SH3PXD2B: variants seen among roughly 807,000 people sequenced by gnomAD.
SH3PXD2B encodes SH3 and PX domains 2B, also known as SH3 and PX domain-containing protein 2B.
A neutral mutation model predicts 73.1 loss-of-function variants in SH3PXD2B; 37 were observed. The observed-to-expected ratio is 0.51, with a 90% confidence interval of 0.39 to 0.67. The LOEUF (loss-of-function observed/expected upper bound fraction) is 0.67, where lower values mean the gene tolerates loss of function less well. SH3PXD2B is among the 30% of genes least tolerant of loss of function. SH3PXD2B has a pLI of 0.00. For missense variants in SH3PXD2B, 1,053 were observed against 1,197.8 expected, an observed-to-expected ratio of 0.88 and a Z score of 1.78; for synonymous variants, 457 against 480.5, an observed-to-expected ratio of 0.95 and a Z score of 0.64.
Position 172,334,636 on chromosome 5 carries a change from A to C in SH3PXD2B, c.*3733T>G. 1 of 985,510 alleles carries C rather than the reference A, an allele frequency of 1.0e-6. No homozygotes were observed. The highest frequency in any genetic ancestry group is 4.7e-5 in the South Asian group (1 of 21,270). The allele number at this position is 985,510 out of a possible 1,614,324, so 61.0% of individuals were successfully genotyped here. ...ACATGTAAGACTTGGGCACGATGAA[A>C]GGACGGGGGTCCAGCTACGAATGTT... On this transcript the variant is annotated 3_prime_UTR_variant, in exon 13 of 13. Transcript: ENST00000311601.
At chr5:172,360,629 C>T (rs945473940) in intron 7 of SH3PXD2B, among the ~76,000 whole-genome samples, 4 of 152,122 alleles carry the variant, frequency 2.6e-5, no homozygotes, top group Admixed American at 6.5e-5. Context: ...GTCAGTAGTT[C>T]GAGACCAGCC....
At chr5:172,431,746 A>G (rs1759248735) in intron 1 of SH3PXD2B, among the ~76,000 whole-genome samples, 2 of 152,204 alleles carry the variant, frequency 1.3e-5, no homozygotes, top group African/African-American at 4.8e-5. Context: ...CTGTAAAGTC[A>G]CTGAGAACAC....
chr5:172,328,246 C>T (rs768198313), intron 12 of SH3PXD2B, among the ~76,000 whole-genome samples: 107 of 151,768 alleles, frequency 7.1e-4, no homozygotes, highest in Non-Finnish European at 1.0e-3. Context: ...GCTGGGACTA[C>T]AGGCGTGTGC....
intron 2 of SH3PXD2B, among the ~76,000 whole-genome samples, chr5:172,420,674 G>C (rs1448447201): frequency 6.6e-6 from 1 of 152,192 alleles, no homozygotes; most frequent in Non-Finnish European, 1.5e-5. Flanking sequence ...GACTTCTTGG[G>C]TGGAGCAGGG....
intron 12 of SH3PXD2B, among the ~76,000 whole-genome samples, chr5:172,342,283 G>T (rs529127358): frequency 6.6e-6 from 1 of 152,128 alleles, no homozygotes; most frequent in Non-Finnish European, 1.5e-5. Flanking sequence ...CTCTGGACTC[G>T]GAAGATCTGA....
intron 5 of SH3PXD2B, among the ~76,000 whole-genome samples, chr5:172,375,076 A>T (rs1303587715): frequency 1.3e-5 from 2 of 152,202 alleles, no homozygotes; most frequent in Non-Finnish European, 2.9e-5. Context: ...CTCATCCTTT[A>T]GGCCAGGAGC....
intron 1 of SH3PXD2B, among the ~76,000 whole-genome samples, chr5:172,427,779 ATTT>A (rs112469816): frequency 7.2e-6 from 1 of 138,908 alleles, no homozygotes; most frequent in Non-Finnish European, 1.6e-5. Flanking sequence ...TGTTACCACG[ATTT>A]TTTTTTTTTT....
chr5:172,353,867 G>C lies in SH3PXD2B; in HGVS notation c.785+21C>G. The C allele has an allele frequency of 6.2e-7, 1 of 1,603,420 alleles. No individual in the cohort carries two copies. Among genetic ancestry groups the C allele is most frequent in the Non-Finnish European group, 8.5e-7 (1 of 1,171,112 alleles). The stretch of plus-strand genomic sequence containing the variant: ...GTGACCCCAAACCCACCCAGCAACC[G>C]TGGGGGGCAGCGGCTGGTACCTGAT... On this transcript the variant is annotated intron_variant, in intron 9 of 12. Transcript: ENST00000311601. This position sits in a 1 kb window ranked among gnomAD's most constrained non-coding sequence, Gnocchi z 4.3.
chr5:172,337,596 C>A lies in SH3PXD2B; in HGVS notation c.*773G>T. The A allele has an allele frequency of 2.0e-6, 2 of 985,568 alleles. No individual in the cohort carries two copies. The highest frequency in any genetic ancestry group is 2.4e-6 in the Non-Finnish European group (2 of 830,034). The allele number at this position is 985,568 out of a possible 1,614,324, so 61.1% of individuals were successfully genotyped here. Reference sequence around the variant, plus strand: ...GCTTTAGGTAGGCAAAAATGAAATGCTCCAAGTTGGGGTGGGAACTCTCAT... The same window carrying A: ...GCTTTAGGTAGGCAAAAATGAAATGATCCAAGTTGGGGTGGGAACTCTCAT... On this transcript the variant is annotated 3_prime_UTR_variant, in exon 13 of 13. Transcript: ENST00000311601.
intron 9 of SH3PXD2B, 32 bp from the exon 10 acceptor site, chr5:172,350,621 G>A (rs1400201453): frequency 6.4e-7 from 1 of 1,558,912 alleles, no homozygotes; most frequent in Non-Finnish European, 8.7e-7. Context: ...CTGTCAAACT[G>A]CTCCGCCAGG....
At chr5:172,405,447 C>T (rs77263846) in intron 3 of SH3PXD2B, among the ~76,000 whole-genome samples, 3,749 of 152,260 alleles carry the variant, frequency 0.025, 180 homozygotes, top group African/African-American at 0.086. Context: ...GATCTGAAGC[C>T]CTAGTCAGAT....
intron 10 of SH3PXD2B, among the ~76,000 whole-genome samples, chr5:172,348,689 A>G (rs1428578970): frequency 7.8e-5 from 3 of 38,510 alleles, no homozygotes; most frequent in African/African-American, 2.3e-4. Context: ...CTATCTATCT[A>G]TCTATCTATC....
At chr5:172,443,620 G>A (rs1251545429) in intron 1 of SH3PXD2B, among the ~76,000 whole-genome samples, 1 of 152,204 alleles carries the variant, frequency 6.6e-6, no homozygotes, top group Non-Finnish European at 1.5e-5. Flanking sequence ...CTGGCTCTGG[G>A]CCAGACCTGG....
intron 2 of SH3PXD2B, among the ~76,000 whole-genome samples, chr5:172,412,713 A>C (rs947097722): frequency 1.3e-5 from 2 of 152,220 alleles, no homozygotes; most frequent in Non-Finnish European, 2.9e-5. Context: ...TAGGTTCTCC[A>C]AGGGACCAGG....
At chr5:172,411,270 G>A (rs959153455) in intron 2 of SH3PXD2B, among the ~76,000 whole-genome samples, 1 of 151,686 alleles carries the variant, frequency 6.6e-6, no homozygotes, top group Admixed American at 6.6e-5. Flanking sequence ...TCCAATCTCC[G>A]GGTTCCTTTG....
intron 2 of SH3PXD2B, among the ~76,000 whole-genome samples, chr5:172,418,933 T>A (rs2113457690): frequency 6.6e-6 from 1 of 152,278 alleles, no homozygotes; most frequent in Middle Eastern, 3.4e-3. Context: ...AGACCCGTGA[T>A]CAAACCCTGG....
chr5:172,371,729 T>C (rs1214390192), intron 6 of SH3PXD2B, among the ~76,000 whole-genome samples: 2 of 152,210 alleles, frequency 1.3e-5, no homozygotes, highest in African/African-American at 4.8e-5. Flanking sequence ...ATCAAGCCCG[T>C]TCCGACTGGA....
intron 4 of SH3PXD2B, among the ~76,000 whole-genome samples, chr5:172,386,300 T>C (rs1758059185): frequency 6.6e-6 from 1 of 152,212 alleles, no homozygotes; most frequent in Non-Finnish European, 1.5e-5. Flanking sequence ...GATAACCCTG[T>C]TGGCTCTCTA....
At chr5:172,376,689 C>A (rs1757829642) in intron 5 of SH3PXD2B, among the ~76,000 whole-genome samples, 1 of 152,162 alleles carries the variant, frequency 6.6e-6, no homozygotes, top group South Asian at 2.1e-4. Context: ...CTTCACAGCG[C>A]CCATGCAGAG....
Sources: gnomAD v4.1 joint callset for allele counts (sites outside exome capture counted in the v4.1 genomes callset) on GRCh38, gnomAD v4.1.1 for gene constraint, Gnocchi (gnomAD v3.1) non-coding constraint, MANE v1.5 for transcripts, NCBI Gene and HGNC (gene_info 2026-07-23, HGNC 2026-07-21) for gene names.